RIMS2: variants seen among roughly 807,000 people sequenced by gnomAD.
The protein encoded by RIMS2 is regulating synaptic membrane exocytosis protein 2.
Under a neutral mutation model 174.4 loss-of-function variants are expected in RIMS2, and 59 were observed. That is an observed-to-expected ratio of 0.34 (90% CI 0.27 to 0.42). The LOEUF is 0.42. Ranked by LOEUF, RIMS2 falls within the 10% of genes least tolerant of loss-of-function variation. The probability of loss-of-function intolerance (pLI) is 1.00; values close to 1 mark genes in which losing one functional copy is unlikely to be tolerated. For synonymous variants in RIMS2, 606 were observed against 572.5 expected, an observed-to-expected ratio of 1.06 and a Z score of -0.84; for missense variants, 1,620 against 1,666.3, an observed-to-expected ratio of 0.97 and a Z score of 0.48.
intron 3 of RIMS2, among the ~76,000 whole-genome samples, chr8:103,778,153 T>G (rs1365468773): frequency 6.6e-6 from 1 of 152,066 alleles, no homozygotes; most frequent in African/African-American, 2.4e-5. Context: ...ATAATACATA[T>G]ACATATTTTG....
chr8:104,058,163 G>T lies in RIMS2; in HGVS notation c.3334+43548G>T, dbSNP rs1347254573. On this transcript the variant is annotated intron_variant, in intron 19 of 23. Coordinates refer to ENST00000504942, the Ensembl canonical transcript of RIMS2. ...CGCCACACTGACTTCCACAATGGTT[G>T]AACTAGTTTACAGTCCCACCAACAG... 2.0e-5 allele frequency among the ~76,000 whole-genome samples: 3 copies of T among 149,840 alleles called. No homozygotes were observed. The East Asian group carries it at 5.9e-4, about 30-fold the overall frequency.
intron 2 of RIMS2, among the ~76,000 whole-genome samples, chr8:103,708,695 T>A (rs1046649379): frequency 6.6e-5 from 10 of 152,214 alleles, no homozygotes; most frequent in African/African-American, 2.4e-4. Context: ...ATTCTCATCT[T>A]TGGTTTTCTG....
At chr8:103,605,075 G>T in intron 1 of RIMS2, among the ~76,000 whole-genome samples, 1 of 35,002 alleles carries the variant, frequency 2.9e-5, no homozygotes, top group African/African-American at 3.5e-4. Context: ...CCTGTCTTGT[G>T]CCAGTTTTCA....
intron 4 of RIMS2, among the ~76,000 whole-genome samples, chr8:103,893,654 A>T (rs908677446): frequency 1.3e-5 from 2 of 152,230 alleles, no homozygotes; most frequent in East Asian, 1.9e-4. Context: ...ATATTTTGTG[A>T]TATGAAAATC....
intron 3 of RIMS2, among the ~76,000 whole-genome samples, chr8:103,833,110 G>A (rs182958236): frequency 1.2e-4 from 19 of 152,184 alleles, no homozygotes; most frequent in African/African-American, 4.6e-4. Context: ...AATATTTTTG[G>A]TGGAAATAGA....
At chr8:104,112,894 A>G (rs1338826370) in intron 19 of RIMS2, among the ~76,000 whole-genome samples, 1 of 152,190 alleles carries the variant, frequency 6.6e-6, no homozygotes, top group East Asian at 1.9e-4. Flanking sequence ...AACTCAGACA[A>G]TAAATGAGAA....
At chr8:103,814,023 A>T (rs1447865151) in intron 3 of RIMS2, among the ~76,000 whole-genome samples, 1 of 152,214 alleles carries the variant, frequency 6.6e-6, no homozygotes, top group African/African-American at 2.4e-5. Flanking sequence ...GGTAGACTGC[A>T]TAAAAAAATG....
intron 15 of RIMS2, among the ~76,000 whole-genome samples, chr8:103,969,960 G>A (rs993036174): frequency 6.6e-6 from 1 of 152,072 alleles, no homozygotes; most frequent in African/African-American, 2.4e-5. Flanking sequence ...ATGTTTCCCA[G>A]ACAGGTCTTC....
intron 1 of RIMS2, among the ~76,000 whole-genome samples, chr8:103,574,416 G>A (rs993705144): frequency 4.6e-5 from 7 of 152,102 alleles, no homozygotes; most frequent in South Asian, 2.1e-4. Context: ...CTCACAGACC[G>A]ATATTGTTCA....
At chr8:103,614,166 A>T (rs1304287430) in intron 1 of RIMS2, among the ~76,000 whole-genome samples, 4 of 152,216 alleles carry the variant, frequency 2.6e-5, no homozygotes, top group African/African-American at 9.6e-5. Flanking sequence ...AGGATCCTAG[A>T]GTACTTCTGC....
rs534591583 is a variant in RIMS2 at position 104,211,553 on chromosome 8, T to C, written c.3335-33363T>C. On this transcript the variant is annotated intron_variant, in intron 19 of 23. Transcript: ENST00000504942. The stretch of plus-strand genomic sequence containing the variant: ...AAGGGTTTTTAAGAGGTTCGTGACA[T>C]GACCCAATGTGGAATTTTTTTTTTT... Among the ~76,000 whole-genome samples, 6 of 148,226 alleles carry C rather than the reference T, an allele frequency of 4.0e-5. No individual in the cohort carries two copies. In the South Asian group the frequency reaches 1.3e-3, roughly 31 times the overall value.
intron 19 of RIMS2, among the ~76,000 whole-genome samples, chr8:104,146,556 G>A (rs1308253700): frequency 6.6e-6 from 1 of 152,066 alleles, no homozygotes; most frequent in Non-Finnish European, 1.5e-5. Flanking sequence ...TTTGATTTTG[G>A]TCAAGTTCTT....
chr8:103,738,549 A>G (rs1160273125), intron 2 of RIMS2, among the ~76,000 whole-genome samples: 1 of 152,206 alleles, frequency 6.6e-6, no homozygotes, highest in Admixed American at 6.5e-5. Flanking sequence ...AATTAAACTA[A>G]AGAGCTTCTG....
At chr8:104,013,149 G>A (rs1244290821) in intron 17 of RIMS2, among the ~76,000 whole-genome samples, 1 of 152,092 alleles carries the variant, frequency 6.6e-6, no homozygotes, top group Non-Finnish European at 1.5e-5. Flanking sequence ...CATATTTCAC[G>A]TATTCCATTT....
chr8:103,591,367 C>G (rs2094248420), intron 1 of RIMS2, among the ~76,000 whole-genome samples: 1 of 150,914 alleles, frequency 6.6e-6, no homozygotes, highest in Non-Finnish European at 1.5e-5. Context: ...TGCTTGTCTT[C>G]TCATTTTCTT....
intron 19 of RIMS2, among the ~76,000 whole-genome samples, chr8:104,042,145 G>T (rs1565993570): frequency 6.6e-6 from 1 of 151,390 alleles, no homozygotes; most frequent in Non-Finnish European, 1.5e-5. Flanking sequence ...AATCAGAAAA[G>T]GTGGTATGAT....
chr8:104,248,983 C>G (rs1292744129), intron 21 of RIMS2, among the ~76,000 whole-genome samples, 170 bp downstream of exon 27: 3 of 144,142 alleles, frequency 2.1e-5, no homozygotes, highest in African/African-American at 8.0e-5. Context: ...GGCTGAAGTG[C>G]AGTGGCATGA....
chr8:104,013,631 A>T lies in RIMS2; in HGVS notation c.3224+10A>T. On this transcript the variant is annotated intron_variant, in intron 18 of 23. Coordinates refer to ENST00000504942, the Ensembl canonical transcript of RIMS2. The stretch of plus-strand genomic sequence containing the variant: ...CACCTGCCTTATCGAGGTGAAAGAT[A>T]AATCAATCAGACTAATTTCCCCTTT... 6.2e-7 allele frequency: 1 copy of T among 1,610,526 alleles called. No homozygotes were observed. Among genetic ancestry groups the T allele is most frequent in the Non-Finnish European group, 8.5e-7 (1 of 1,177,216 alleles).
chr8:103,684,673 G>A (rs995369834), intron 1 of RIMS2, among the ~76,000 whole-genome samples: 3 of 151,470 alleles, frequency 2.0e-5, no homozygotes. Flanking sequence ...CGCAACTTCC[G>A]CCTCCCAGGT....
Sources: gnomAD v4.1 joint callset for allele counts (sites outside exome capture counted in the v4.1 genomes callset) on GRCh38, gnomAD v4.1.1 for gene constraint, MANE v1.5 for transcripts, NCBI Gene and HGNC (gene_info 2026-07-23, HGNC 2026-07-21) for gene names.